Variants in HRH1 observed in about 807,000 individuals in gnomAD.
HRH1 encodes histamine receptor H1, also known as histamine H1 receptor.
In HRH1, 6 loss-of-function variants were observed where a neutral mutation model predicts 10.3. The observed-to-expected ratio is 0.58, with a 90% CI of 0.32 to 1.15. The LOEUF (loss-of-function observed/expected upper bound fraction) is 1.15, where lower values mean the gene tolerates loss of function less well. Ranked by LOEUF, HRH1 falls within the 50% of genes most tolerant of loss-of-function variation. The pLI, the probability that HRH1 is intolerant of heterozygous loss-of-function variation, is 0.05. For missense variants in HRH1, 514 were observed against 615.3 expected, an observed-to-expected ratio of 0.84 and a Z score of 1.74; for synonymous variants, 242 against 236.7, an observed-to-expected ratio of 1.02 and a Z score of -0.21.
intron 1 of HRH1, among the ~76,000 whole-genome samples, chr3:11,209,363 A>C (rs1329392373): frequency 6.6e-6 from 1 of 152,194 alleles, no homozygotes; most frequent in African/African-American, 2.4e-5. Context: ...AGTACTGGGA[A>C]TCCTAAATAC....
At chr3:11,240,105 A>C (rs1183394631) in intron 1 of HRH1, among the ~76,000 whole-genome samples, 1 of 152,042 alleles carries the variant, frequency 6.6e-6, no homozygotes, top group Non-Finnish European at 1.5e-5. Context: ...TGGCTGCCAG[A>C]GCCCACCCTA....
At chr3:11,158,189 A>G (rs540040835) in intron 1 of HRH1, among the ~76,000 whole-genome samples, 7 of 152,354 alleles carry the variant, frequency 4.6e-5, no homozygotes, top group African/African-American at 1.2e-4. Context: ...ACATTCAGCA[A>G]TGCCCTTGAT....
chr3:11,260,556 T>A lies in HRH1; in HGVS notation c.*55T>A. 1 of 1,496,162 alleles carries A rather than the reference T, an allele frequency of 6.7e-7. No individual in the cohort carries two copies. 92.7% of individuals were successfully genotyped at this position (1,496,162 alleles called of 1,614,324 possible). On this transcript the variant is annotated 3_prime_UTR_variant, in exon 2 of 2. Coordinates refer to ENST00000431010, the MANE Select transcript of HRH1 (RefSeq NM_001098212.2). ...ATCCTTATGATGTCCAACAAGGAAA[T>A]AGAGGACGAAGGCCTGTGTGTTGCC...
upstream of HRH1, among the ~76,000 whole-genome samples, chr3:11,154,010 G>A (rs1430677414): frequency 2.6e-5 from 4 of 152,162 alleles, no homozygotes; most frequent in African/African-American, 9.7e-5. This position sits in a 1 kb window ranked among gnomAD's most constrained non-coding sequence, Gnocchi z 4.4. Context: ...AATGAGGGGC[G>A]CAGGTATCAC....
At position 11,259,301 on chromosome 3, in the gene HRH1, G is replaced by C. The variant is rs1939872049; in HGVS notation, c.264G>C (p.Leu88=). 1 of 1,613,566 alleles carries C rather than the reference G, an allele frequency of 6.2e-7. No individual in the cohort carries two copies. Among genetic ancestry groups the C allele is most frequent in the Admixed American group, 1.7e-5 (1 of 60,002 alleles). Residue 88 remains leucine (L), a synonymous_variant, in exon 2 of 2, where the codon CTG becomes CTC. Transcript: ENST00000431010. The surrounding 1 kb of genome is among the most constrained non-coding windows in gnomAD (Gnocchi z 4.6). The part of the protein sequence containing the change: ...AVVMPMNILY[L]LMSKWSLGRP... The stretch of plus-strand genomic sequence containing the variant: ...TCATGCCTATGAACATCCTCTACCT[G>C]CTCATGTCCAAGTGGTCACTGGGCC...
chr3:11,204,560 A>G (rs1222820399), intron 1 of HRH1, among the ~76,000 whole-genome samples: 2 of 152,176 alleles, frequency 1.3e-5, no homozygotes, highest in Admixed American at 1.3e-4. Flanking sequence ...TCACTGAATC[A>G]CCGAAGGGGA....
At chr3:11,234,770 G>A (rs1939132417) in intron 1 of HRH1, among the ~76,000 whole-genome samples, 1 of 152,088 alleles carries the variant, frequency 6.6e-6, no homozygotes, top group African/African-American at 2.4e-5. Flanking sequence ...AGGCAGGGCG[G>A]GCACCTCTGG....
chr3:11,179,598 T>C (rs1393422017), intron 1 of HRH1, among the ~76,000 whole-genome samples: 3 of 148,390 alleles, frequency 2.0e-5, no homozygotes, highest in Non-Finnish European at 3.0e-5. Context: ...CCAGCCTGGG[T>C]GACAGAGCAA....
intron 1 of HRH1, among the ~76,000 whole-genome samples, chr3:11,217,547 A>G (rs1575020397): frequency 6.6e-6 from 1 of 152,078 alleles, no homozygotes; most frequent in African/African-American, 2.4e-5. Flanking sequence ...AGAAAAAGGA[A>G]GTGGAATGGT....
At chr3:11,205,006 G>T (rs965014196) in intron 1 of HRH1, among the ~76,000 whole-genome samples, 4 of 152,202 alleles carry the variant, frequency 2.6e-5, no homozygotes, top group African/African-American at 7.2e-5. Context: ...AGAGAGAAAC[G>T]TGGGGTCTGG....
At chr3:11,193,004 T>C (rs989894191) in intron 1 of HRH1, among the ~76,000 whole-genome samples, 1 of 152,262 alleles carries the variant, frequency 6.6e-6, no homozygotes, top group Admixed American at 6.5e-5. Context: ...TTATCATGTT[T>C]TAGGAGACCA....
At chr3:11,228,532 G>A (rs961503096) in intron 1 of HRH1, among the ~76,000 whole-genome samples, 3 of 152,140 alleles carry the variant, frequency 2.0e-5, no homozygotes, top group African/African-American at 7.2e-5. Context: ...GAAAGCCACT[G>A]GGCTAGGTGC....
chr3:11,247,957 A>T (rs1035450986), intron 1 of HRH1, among the ~76,000 whole-genome samples: 3 of 152,190 alleles, frequency 2.0e-5, no homozygotes, highest in African/African-American at 4.8e-5. Context: ...TGAGGTCATA[A>T]TTCCTTTCCA....
Position 11,260,699 on chromosome 3 carries a change from C to T in HRH1, c.*198C>T. ...GGCGGTGATCAGCAGAGAGATTGAA[C>T]TTTGAGGAGGAAGCAGAATCTTTGC... On this transcript the variant is annotated 3_prime_UTR_variant, in exon 2 of 2. Coordinates refer to ENST00000431010, the MANE Select transcript of HRH1 (RefSeq NM_001098212.2). 1.9e-6 allele frequency: 1 copy of T among 528,820 alleles called. No homozygotes were observed. 32.8% of individuals were successfully genotyped at this position (528,820 alleles called of 1,614,324 possible).
At chr3:11,244,795 TG>T (rs1449113009) in intron 1 of HRH1, among the ~76,000 whole-genome samples, 1 of 152,230 alleles carries the variant, frequency 6.6e-6, no homozygotes, top group Non-Finnish European at 1.5e-5. Flanking sequence ...TACTTCGAGC[TG>T]AAAGCTGCAC....
intron 1 of HRH1, among the ~76,000 whole-genome samples, chr3:11,192,933 G>A (rs559610285): frequency 2.0e-5 from 3 of 152,114 alleles, no homozygotes; most frequent in South Asian, 4.1e-4. Flanking sequence ...TCTTATTAAC[G>A]TCATTCCCTC....
At chr3:11,188,650 T>C (rs1937491424) in intron 1 of HRH1, among the ~76,000 whole-genome samples, 2 of 152,236 alleles carry the variant, frequency 1.3e-5, no homozygotes, top group Admixed American at 1.3e-4. Flanking sequence ...GAAACACTCT[T>C]GAATGTTCAA....
chr3:11,259,092 A>G lies in HRH1; in HGVS notation c.55A>G (p.Lys19Glu). 1 of 1,613,408 alleles carries G rather than the reference A, an allele frequency of 6.2e-7. No homozygotes were observed. The highest frequency in any genetic ancestry group is 8.5e-7 in the Non-Finnish European group (1 of 1,179,722). Residue 19 changes from lysine (K) to glutamate (E), a missense_variant, in exon 2 of 2, where the codon AAG (lysine) becomes GAG (glutamate). Physicochemically the swap from Lys to Glu is moderately conservative, Grantham distance 56. Coordinates refer to ENST00000431010, the MANE Select transcript of HRH1 (RefSeq NM_001098212.2). The surrounding 1 kb of genome is among the most constrained non-coding windows in gnomAD (Gnocchi z 4.6). ...AGAAGACAAGATGTGTGAGGGCAAC[A>G]AGACCACTATGGCCAGCCCCCAGCT... ...LLEDKMCEGN[K>E]TTMASPQLMP...
intron 1 of HRH1, among the ~76,000 whole-genome samples, chr3:11,172,646 G>A (rs1039278795): frequency 6.6e-6 from 1 of 151,582 alleles, no homozygotes; most frequent in African/African-American, 2.4e-5. Flanking sequence ...AGACCCAGCT[G>A]AGAAGGGAAA....
Sources: allele counts gnomAD v4.1 joint callset (sites outside exome capture counted in the v4.1 genomes callset), GRCh38; gene constraint gnomAD v4.1.1; non-coding constraint Gnocchi (gnomAD v3.1); transcripts MANE v1.5; gene names NCBI Gene and HGNC (gene_info 2026-07-23, HGNC 2026-07-21).